The following MID1 variants were observed in gnomAD, a reference collection of about 807,000 sequenced individuals.
The protein encoded by MID1 is midline 1, also known as E3 ubiquitin-protein ligase Midline-1.
Under a neutral mutation model 40.4 loss-of-function variants are expected in MID1, and 7 were observed. That is an observed-to-expected ratio of 0.17 (90% CI 0.10 to 0.33). MID1 has a LOEUF of 0.33. MID1 is among the 10% of genes least tolerant of loss of function. MID1 has a pLI of 1.00. For missense variants in MID1, 367 were observed against 558.5 expected (o/e 0.66, Z 3.46); for synonymous variants, 229 against 221.2 (o/e 1.04, Z -0.31).
At chrX:10,803,934 C>T (rs1363060420) in intron 1 of MID1, among the ~76,000 whole-genome samples, 2 of 110,372 alleles carry the variant, frequency 1.8e-5, no homozygotes, top group Non-Finnish European at 3.8e-5. Flanking sequence ...TCTCACTGTT[C>T]TTCAATATTC....
intron 3 of MID1, among the ~76,000 whole-genome samples, chrX:10,519,616 A>G (rs935557855): frequency 1.8e-5 from 2 of 111,827 alleles, no homozygotes; most frequent in Non-Finnish European, 3.8e-5. Context: ...TCACTGGACA[A>G]TCCTAATCTG....
At chrX:10,593,689 G>C (rs113581138) in intron 1 of MID1, among the ~76,000 whole-genome samples, 2,544 of 107,852 alleles carry the variant, frequency 0.024, 95 homozygotes, top group African/African-American at 0.082. Context: ...GGATAAGACT[G>C]GGACTCATGT....
chrX:10,673,342 G>A (rs1475011163), intron 1 of MID1, among the ~76,000 whole-genome samples: 1 of 111,508 alleles, frequency 9.0e-6, no homozygotes, highest in Non-Finnish European at 1.9e-5. Flanking sequence ...ATGTCACAGC[G>A]TACATGCAGA....
At chrX:10,714,608 T>A (rs1820782862) in intron 1 of MID1, among the ~76,000 whole-genome samples, 2 of 112,890 alleles carry the variant, frequency 1.8e-5, no homozygotes, top group African/African-American at 3.2e-5. Context: ...ATTTCAATTG[T>A]ATTAGCAGTA....
At chrX:10,496,014 T>C (rs1931230533) in intron 3 of MID1, among the ~76,000 whole-genome samples, 1 of 112,170 alleles carries the variant, frequency 8.9e-6, no homozygotes, top group South Asian at 3.7e-4. Flanking sequence ...TTGCAATTCC[T>C]ACTTTTATAT....
intron 1 of MID1, among the ~76,000 whole-genome samples, chrX:10,600,786 CATT>C (rs1569123497): frequency 8.9e-6 from 1 of 111,908 alleles, no homozygotes; most frequent in Non-Finnish European, 1.9e-5. Context: ...AGGATGCACT[CATT>C]AGTCAAATTA....
chrX:10,573,727 G>A (rs1934800680), intron 1 of MID1, among the ~76,000 whole-genome samples: 1 of 111,888 alleles, frequency 8.9e-6, no homozygotes, highest in Non-Finnish European at 1.9e-5. Context: ...CCTTTGACAG[G>A]GCCATCCAGT....
At chrX:10,768,829 C>T in intron 1 of MID1, among the ~76,000 whole-genome samples, 1 of 111,160 alleles carries the variant, frequency 9.0e-6, no homozygotes. Context: ...GTATATTCCA[C>T]CATATTTGCC....
chrX:10,772,576 A>T (rs4830723), intron 1 of MID1, among the ~76,000 whole-genome samples: 39,387 of 109,138 alleles, frequency 0.36, 6,788 homozygotes, highest in Non-Finnish European at 0.52. Flanking sequence ...AAAAATTTTT[A>T]AAAAATGAAA....
At chrX:10,570,691 T>C (rs1934697351) in intron 1 of MID1, among the ~76,000 whole-genome samples, 2 of 112,687 alleles carry the variant, frequency 1.8e-5, no homozygotes, top group African/African-American at 3.2e-5. Context: ...GTAGACATTT[T>C]TGGCTTTGTG....
chrX:10,789,645 C>T (rs914467769), intron 1 of MID1, among the ~76,000 whole-genome samples: 1 of 112,143 alleles, frequency 8.9e-6, no homozygotes, highest in Admixed American at 9.4e-5. Flanking sequence ...ACTCTATGTT[C>T]GCACAATCAT....
intron 1 of MID1, among the ~76,000 whole-genome samples, chrX:10,786,025 C>T (rs1410248655): frequency 9.0e-6 from 1 of 111,404 alleles, no homozygotes; most frequent in African/African-American, 3.3e-5. Context: ...TCAGAGTGAA[C>T]AGGCAACCTA....
chrX:10,754,078 A>C (rs770809846), intron 1 of MID1, among the ~76,000 whole-genome samples: 20 of 112,276 alleles, frequency 1.8e-4, no homozygotes, highest in African/African-American at 6.2e-4. Flanking sequence ...GTGAATAAGC[A>C]GATAGAGAAG....
intron 3 of MID1, among the ~76,000 whole-genome samples, chrX:10,502,742 C>T (rs1279521287): frequency 8.9e-6 from 1 of 112,053 alleles, no homozygotes; most frequent in Admixed American, 9.4e-5. Context: ...TTTCATGCCA[C>T]GGTGAATAAA....
At chrX:10,658,428 T>TAAAAAAAAAA (rs35116185) in intron 1 of MID1, among the ~76,000 whole-genome samples, 1 of 5,570 alleles carries the variant, frequency 1.8e-4, no homozygotes, top group African/African-American at 3.5e-4. Context: ...CCTTCAACTG[T>TAAAAAAAAAA]AAAAAAAAAA....
chrX:10,757,218 G>C (rs1006666056), intron 1 of MID1, among the ~76,000 whole-genome samples: 4 of 112,347 alleles, frequency 3.6e-5, no homozygotes, highest in African/African-American at 1.3e-4. Flanking sequence ...CTAGTGCAAG[G>C]ATCACACTTG....
chrX:10,478,839 G>A (rs747401570), intron 5 of MID1, among the ~76,000 whole-genome samples: 36 of 112,100 alleles, frequency 3.2e-4, no homozygotes, highest in Non-Finnish European at 5.4e-4. Flanking sequence ...GAATGCCTGC[G>A]GGATTAAAAG....
Position 10,613,730 on chromosome X carries a change from T to TAG in MID1, c.-57+6559_-57+6560insCT, listed in dbSNP as rs1226677763. Among the ~76,000 whole-genome samples, 146 of 30,639 alleles carry TAG rather than the reference T, an allele frequency of 4.8e-3. 2 individuals carry two copies. Among genetic ancestry groups the TAG allele is most frequent in the South Asian group, 9.1e-3 (4 of 438 alleles). 26.6% of individuals were successfully genotyped at this position (30,639 alleles called of 115,157 possible). Reference sequence around the variant, plus strand: ...ATATATATATATATATATATATATATATAGAGAGAGAGAGAGAGAGAGAGA... The same window carrying TAG: ...ATATATATATATATATATATATATATAGATAGAGAGAGAGAGAGAGAGAGAGA... On this transcript the variant is annotated intron_variant, in intron 1 of 9. Coordinates refer to ENST00000317552, the MANE Select transcript of MID1 (RefSeq NM_000381.4).
At chrX:10,585,439 G>T (rs1333441781) in intron 1 of MID1, among the ~76,000 whole-genome samples, 1 of 111,891 alleles carries the variant, frequency 8.9e-6, no homozygotes, top group African/African-American at 3.3e-5. Flanking sequence ...TGGGCTATAT[G>T]CTCGGCTAAT....
Sources: allele counts gnomAD v4.1 joint callset (sites outside exome capture counted in the v4.1 genomes callset), GRCh38; gene constraint gnomAD v4.1.1; transcripts MANE v1.5; gene names NCBI Gene and HGNC (gene_info 2026-07-23, HGNC 2026-07-21).